NEDD4: variants seen among roughly 807,000 people sequenced by gnomAD.
NEDD4 encodes NEDD4 E3 ubiquitin protein ligase.
NEDD4 carries 99 observed loss-of-function variants against 144.9 expected under a neutral mutation model. That is an observed-to-expected ratio of 0.68 (90% CI 0.58 to 0.81). NEDD4 has a LOEUF of 0.81. Ranked by LOEUF, NEDD4 falls within the 30% of genes least tolerant of loss-of-function variation. The pLI, the probability that NEDD4 is intolerant of heterozygous loss-of-function variation, is 0.00. For synonymous variants in NEDD4, 318 were observed against 350.6 expected, an observed-to-expected ratio of 0.91 and a Z score of 1.04; for missense variants, 985 against 1,065.9, an observed-to-expected ratio of 0.92 and a Z score of 1.06.
intron 2 of NEDD4, 23 bp downstream of exon 2, chr15:55,966,450 A>C (rs2037514250): frequency 1.4e-6 from 2 of 1,422,124 alleles, no homozygotes; most frequent in Non-Finnish European, 1.9e-6. Context: ...TTTTAAAATT[A>C]TAATCCAAAT....
chr15:55,856,009 G>A (rs1482632634), intron 12 of NEDD4, 122 bp downstream of exon 12: 3 of 751,284 alleles, frequency 4.0e-6, no homozygotes, highest in Non-Finnish European at 6.7e-6. Context: ...ACCACCTGGA[G>A]CCTACATTCT....
At chr15:55,865,654 T>C (rs1294709180) in intron 8 of NEDD4, among the ~76,000 whole-genome samples, 1 of 152,036 alleles carries the variant, frequency 6.6e-6, no homozygotes, top group Non-Finnish European at 1.5e-5. Context: ...GTTCTAGGCC[T>C]GGAGATCAGC....
At chr15:55,967,191 T>C (rs1375622791) in intron 1 of NEDD4, among the ~76,000 whole-genome samples, 8 of 152,168 alleles carry the variant, frequency 5.3e-5, no homozygotes, top group African/African-American at 1.9e-4. Flanking sequence ...CAGCCCATAA[T>C]AATTTGTAAT....
intron 12 of NEDD4, among the ~76,000 whole-genome samples, chr15:55,855,587 T>A (rs1471454038): frequency 6.6e-6 from 1 of 152,074 alleles, no homozygotes; most frequent in Non-Finnish European, 1.5e-5. Flanking sequence ...AGGGTTAAGG[T>A]CCAAGCTGCC....
At chr15:55,906,480 T>C (rs1170041421) in intron 5 of NEDD4, among the ~76,000 whole-genome samples, 1 of 152,046 alleles carries the variant, frequency 6.6e-6, no homozygotes. Context: ...ATGTCCTCTG[T>C]AGGGACATGG....
At chr15:55,859,441 C>G (rs924001220) in intron 11 of NEDD4, among the ~76,000 whole-genome samples, 9 of 152,184 alleles carry the variant, frequency 5.9e-5, no homozygotes, top group Non-Finnish European at 1.0e-4. Context: ...TGCCTGTAAT[C>G]CCAGCACTTT....
intron 12 of NEDD4, among the ~76,000 whole-genome samples, 181 bp from the exon 13 acceptor site, chr15:55,852,724 T>TATATATATATATATA (rs1566910889): frequency 7.0e-5 from 9 of 128,716 alleles, no homozygotes; most frequent in African/African-American, 2.6e-4. Context: ...TATATATATA[T>TATATATATATATATA]TTACCTTTTC....
intron 2 of NEDD4, among the ~76,000 whole-genome samples, chr15:55,956,973 A>T (rs1351648754): frequency 6.6e-6 from 1 of 152,178 alleles, no homozygotes; most frequent in Non-Finnish European, 1.5e-5. Flanking sequence ...GACTTCTCTC[A>T]GCACTGTTTT....
chr15:55,872,471 TTC>T lies in NEDD4; in HGVS notation c.346_347del (p.Glu116LysfsTer11). The T allele has an allele frequency of 6.9e-7, 1 of 1,440,148 alleles. No individual in the cohort carries two copies. Among genetic ancestry groups the T allele is most frequent in the East Asian group, 2.7e-5 (1 of 37,654 alleles). The allele number at this position is 1,440,148 out of a possible 1,614,324, so 89.2% of individuals were successfully genotyped here. A position where few individuals can be genotyped will look rare whatever the true frequency, so the allele number is the denominator to read the frequency against. ...TATATGGTCTCTCCAATCTTGGATT[TTC>T]TGTCTAGAATAAAATAGTGGGTTTT... ...VDVPLYPLPT[E>X]NPRLERPYTF... is the part of the protein sequence containing the mutation. On this transcript the variant is annotated frameshift_variant, in exon 7 of 29. Transcript: ENST00000435532. LOFTEE classifies it high-confidence loss of function.
Position 55,848,400 on chromosome 15 carries a change from C to T in NEDD4, c.1514G>A (p.Arg505Gln), listed in dbSNP as rs1230984293. The T allele has an allele frequency of 1.2e-5, 20 of 1,613,920 alleles. No individual in the cohort carries two copies. The highest frequency in any genetic ancestry group is 4.5e-5 in the East Asian group (2 of 44,894). ...TCCAGTTATTGCTACATTCTCCAAC[C>T]GAGGATCTTCCCATTGTGTTCTTTT... ...NIKRTQWEDP[R>Q]LENVAITGPA... is the part of the protein sequence containing the mutation. The change falls in exon 17 of 29, where the codon CGG becomes CAG. Residue 505 changes from arginine to glutamine, a missense_variant. By Grantham distance (43) the Arg-to-Gln change is conservative (BLOSUM62 1). Transcript: ENST00000435532.
At chr15:55,923,257 C>A (rs1445926275) in intron 5 of NEDD4, among the ~76,000 whole-genome samples, 5 of 152,072 alleles carry the variant, frequency 3.3e-5, no homozygotes, top group Non-Finnish European at 7.4e-5. Context: ...ATTTTATATT[C>A]TTTTAAACAA....
intron 5 of NEDD4, among the ~76,000 whole-genome samples, chr15:55,908,562 G>T (rs1242660639): frequency 1.3e-5 from 2 of 152,180 alleles, no homozygotes; most frequent in Non-Finnish European, 2.9e-5. Flanking sequence ...GGAATTACCA[G>T]CATTGGTACG....
intron 1 of NEDD4, among the ~76,000 whole-genome samples, chr15:55,972,651 A>G (rs1880354148): frequency 6.6e-6 from 1 of 152,206 alleles, no homozygotes; most frequent in African/African-American, 2.4e-5. Flanking sequence ...CAATAATAAC[A>G]ATGAATGTAA....
At chr15:55,988,487 TA>T (rs56688563) in intron 1 of NEDD4, among the ~76,000 whole-genome samples, 26,299 of 101,692 alleles carry the variant, frequency 0.26, 2,124 homozygotes, top group Middle Eastern at 0.32. Context: ...AAAAAAAAAT[TA>T]AAAAAAAAAA....
chr15:55,860,007 T>C (rs2034338780), intron 11 of NEDD4, among the ~76,000 whole-genome samples: 1 of 152,222 alleles, frequency 6.6e-6, no homozygotes, highest in Non-Finnish European at 1.5e-5. Context: ...GCATCTCATG[T>C]AGAGCAAAGT....
intron 1 of NEDD4, chr15:55,992,015 T>G (rs890369489): frequency 6.6e-6 from 1 of 152,296 alleles, no homozygotes; most frequent in South Asian, 2.1e-4. Flanking sequence ...CCTGTGAATA[T>G]AGCAGGGAAA....
intron 4 of NEDD4, among the ~76,000 whole-genome samples, chr15:55,925,237 G>C (rs1204168599): frequency 6.6e-6 from 1 of 152,128 alleles, no homozygotes; most frequent in African/African-American, 2.4e-5. Flanking sequence ...TTATTTTTCA[G>C]ATTTTTCTAA....
chr15:55,838,046 G>A (rs1296369896), intron 23 of NEDD4, 61 bp downstream of exon 23: 1 of 1,085,954 alleles, frequency 9.2e-7, no homozygotes, highest in Non-Finnish European at 1.4e-6. Context: ...GGTAAGAAGA[G>A]TCTTTCTGGA....
At chr15:55,962,633 G>C (rs1181119024) in intron 2 of NEDD4, among the ~76,000 whole-genome samples, 1 of 151,426 alleles carries the variant, frequency 6.6e-6, no homozygotes, top group African/African-American at 2.4e-5. Context: ...TAGTAGAGAT[G>C]GGGTTTCACC....
Sources: allele counts gnomAD v4.1 joint callset (sites outside exome capture counted in the v4.1 genomes callset), GRCh38; gene constraint gnomAD v4.1.1; transcripts MANE v1.5; gene names NCBI Gene and HGNC (gene_info 2026-07-23, HGNC 2026-07-21).